Variants in CCM2 observed in about 807,000 individuals in gnomAD.
CCM2 encodes cerebral cavernous malformations 2 protein.
A neutral mutation model predicts 44.9 loss-of-function variants in CCM2; 25 were observed. The observed-to-expected ratio is 0.56, with a 90% CI of 0.41 to 0.78. CCM2 has a LOEUF of 0.78. Among genes scored for constraint, CCM2 ranks in the 30% least tolerant of loss-of-function variants. The pLI is 0.00. For synonymous variants in CCM2, 219 were observed against 241.1 expected (o/e 0.91, Z 0.85); for missense variants, 481 against 580.6 (o/e 0.83, Z 1.76).
chr7:45,008,356 CT>C (rs59435094), intron 1 of CCM2, among the ~76,000 whole-genome samples: 2,837 of 113,624 alleles, frequency 0.025, 19 homozygotes, highest in African/African-American at 0.069. Context: ...GGTACATGTT[CT>C]TTTTTTTTTT....
Position 45,063,968 on chromosome 7 carries a change from G to A in CCM2, c.255G>A (p.Arg85=), listed in dbSNP as rs746591986. The A allele has an allele frequency of 1.9e-6, 3 of 1,613,150 alleles. No homozygotes were observed. Among genetic ancestry groups the A allele is most frequent in the Non-Finnish European group, 2.5e-6 (3 of 1,179,252 alleles). Residue 85 remains arginine, a synonymous_variant, in exon 3 of 10, where the codon AGG becomes AGA. Coordinates refer to ENST00000258781, the MANE Select transcript of CCM2 (RefSeq NM_031443.4). The part of the protein sequence containing the change: ...SIPGYLNPSS[R]TEILHFIDNA... The stretch of plus-strand genomic sequence containing the variant: ...CAGGATACCTGAATCCCTCCAGTAG[G>A]ACTGAAATCCTGCATTTCATAGACA...
At position 45,064,610 on chromosome 7, in the gene CCM2, C is replaced by G; in HGVS notation, c.436C>G (p.Arg146Gly). The G allele has an allele frequency of 1.2e-6, 2 of 1,613,966 alleles. No individual in the cohort carries two copies. The highest frequency in any genetic ancestry group is 1.7e-6 in the Non-Finnish European group (2 of 1,180,030). The change falls in exon 4 of 10, where the codon CGG becomes GGG. Residue 146 changes from arginine to glycine, a missense_variant. By Grantham distance (125) the Arg-to-Gly change is moderately radical. Transcript: ENST00000258781. Reference sequence around the variant, plus strand: ...TGACATCGCCGCCGTCTCCTATGTTCGGGATGACGCTGCACACCTGGTGGT... The same window carrying G: ...TGACATCGCCGCCGTCTCCTATGTTGGGGATGACGCTGCACACCTGGTGGT... ...IHDIAAVSYVRDDAAHLVVLK... is the reference protein window; with the variant it reads ...IHDIAAVSYVGDDAAHLVVLK...
At chr7:45,037,502 C>T (rs1395639040) in intron 1 of CCM2, among the ~76,000 whole-genome samples, 3 of 146,230 alleles carry the variant, frequency 2.1e-5, no homozygotes, top group Non-Finnish European at 1.5e-5. Flanking sequence ...ACTGCAATCT[C>T]CGCCTCCTGG....
chr7:45,022,859 G>C (rs1796535270), intron 1 of CCM2, among the ~76,000 whole-genome samples: 2 of 151,920 alleles, frequency 1.3e-5, no homozygotes, highest in South Asian at 4.1e-4. Flanking sequence ...TCCTACCTCA[G>C]CCTCTCGAGT....
upstream of CCM2, chr7:44,999,935 G>A (rs1583818070): frequency 6.4e-6 from 2 of 314,170 alleles, no homozygotes; most frequent in Non-Finnish European, 1.3e-5. Flanking sequence ...GGGGCGGGGT[G>A]GGGGTGGTGC....
At chr7:45,068,131 CAT>C in intron 4 of CCM2, 1 of 432,244 alleles carries the variant, frequency 2.3e-6, no homozygotes, top group South Asian at 2.1e-5. Flanking sequence ...CCCCAGAACA[CAT>C]GGAAACCTCC....
At position 45,076,427 on chromosome 7, in the gene CCM2, A is replaced by T. The variant is rs529989029; in HGVS notation, c.*370A>T. On this transcript the variant is annotated 3_prime_UTR_variant, in exon 10 of 10. Coordinates refer to ENST00000258781, the MANE Select transcript of CCM2 (RefSeq NM_031443.4). The stretch of plus-strand genomic sequence containing the variant: ...TGTAACTCTCAGAGACCTTAAAAAG[A>T]AGTTTACTGCAATGTGAATAATTTA... 7.6e-6 allele frequency: 3 copies of T among 395,772 alleles called. No individual in the cohort carries two copies. The highest frequency in any genetic ancestry group is 1.5e-5 in the Non-Finnish European group (3 of 205,116). 24.5% of individuals were successfully genotyped at this position (395,772 alleles called of 1,614,324 possible). A position where few individuals can be genotyped will look rare whatever the true frequency, so the allele number is the denominator to read the frequency against.
intron 2 of CCM2, among the ~76,000 whole-genome samples, chr7:45,044,795 T>C (rs566751668): frequency 6.6e-6 from 1 of 152,298 alleles, no homozygotes; most frequent in South Asian, 2.1e-4. Context: ...CCATAATACT[T>C]TGTGATTGTT....
Position 45,075,918 on chromosome 7 carries a change from C to T in CCM2, c.1196C>T (p.Thr399Ile), listed in dbSNP as rs766730001. 3 of 1,613,132 alleles carry T rather than the reference C, an allele frequency of 1.9e-6. No individual in the cohort carries two copies. The highest frequency in any genetic ancestry group is 2.7e-5 in the African/African-American group (2 of 74,924). Reference protein sequence around the residue: ...RRALSTTSSSTTNGNRATGSS... With the variant: ...RRALSTTSSSITNGNRATGSS... ...GCCCTGAGCACCACATCCAGTTCCA[C>T]CACCAATGGGAACAGGGCCACGGGC... is the stretch of plus-strand genomic sequence containing the variant. The change falls in exon 10 of 10, where the codon ACC becomes ATC. Residue 399 changes from threonine to isoleucine, a missense_variant. Physicochemically the swap from Thr to Ile is moderately conservative, Grantham distance 89. Transcript: ENST00000258781.
At chr7:45,073,412 A>T (rs141325870) in intron 7 of CCM2, 48 bp from the exon 8 acceptor site, 4 of 1,310,686 alleles carry the variant, frequency 3.1e-6, no homozygotes, top group Non-Finnish European at 4.4e-6. Context: ...CGTGTGTGGG[A>T]TGGAGGGTCG....
At chr7:45,018,429 T>C (rs1405917477) in intron 1 of CCM2, among the ~76,000 whole-genome samples, 1 of 151,876 alleles carries the variant, frequency 6.6e-6, no homozygotes, top group Admixed American at 6.6e-5. Context: ...GTGATCTTGC[T>C]CACTGCAACC....
chr7:45,019,143 A>G (rs1183300402), intron 1 of CCM2, among the ~76,000 whole-genome samples: 1 of 138,760 alleles, frequency 7.2e-6, no homozygotes, highest in African/African-American at 2.8e-5. Flanking sequence ...GGCTCACTGC[A>G]ACCTTGCAAC....
At chr7:45,058,818 C>T (rs1236017262) in intron 2 of CCM2, among the ~76,000 whole-genome samples, 1 of 151,618 alleles carries the variant, frequency 6.6e-6, no homozygotes, top group Non-Finnish European at 1.5e-5. Context: ...GTTCTGTCAC[C>T]TAGGCTGGAA....
rs763227672 is a variant in CCM2 at position 45,075,976 on chromosome 7, G to A, written c.1254G>A (p.Gly418=). Residue 418 remains glycine (G), a synonymous_variant, in exon 10 of 10, where the codon GGG becomes GGA. Coordinates refer to ENST00000258781, the MANE Select transcript of CCM2 (RefSeq NM_031443.4). ...SSDDRSAPSE[G]DEWDRMISDI... The stretch of plus-strand genomic sequence containing the variant: ...ATGACCGGTCGGCACCCTCAGAGGG[G>A]GATGAGTGGGACCGCATGATCTCGG... The A allele has an allele frequency of 1.9e-5, 30 of 1,613,150 alleles. No homozygotes were observed. The highest frequency in any genetic ancestry group is 2.5e-5 in the Non-Finnish European group (30 of 1,180,030).
chr7:45,068,253 G>C lies in CCM2; in HGVS notation c.473-190G>C, dbSNP rs145245758. 3 of 677,334 alleles carry C rather than the reference G, an allele frequency of 4.4e-6. No homozygotes were observed. The Admixed American group carries it at 6.6e-5, about 15-fold the overall frequency. 42.0% of individuals were successfully genotyped at this position (677,334 alleles called of 1,614,324 possible). Reference sequence around the variant, plus strand: ...CTGGTGCCCTTGGAGCTCAGGGGTCGCGTGTTCCCACCCTTATTTAGAGAA... The same window carrying C: ...CTGGTGCCCTTGGAGCTCAGGGGTCCCGTGTTCCCACCCTTATTTAGAGAA... On this transcript the variant is annotated intron_variant, in intron 4 of 9. Transcript: ENST00000258781.
intron 1 of CCM2, among the ~76,000 whole-genome samples, chr7:45,028,833 C>T (rs1035529423): frequency 3.3e-5 from 5 of 151,522 alleles, no homozygotes; most frequent in Admixed American, 2.6e-4. Flanking sequence ...GCAGGGAGTG[C>T]TGGAAGTTTG....
chr7:45,030,249 G>A (rs1796896531), intron 1 of CCM2, among the ~76,000 whole-genome samples: 2 of 152,294 alleles, frequency 1.3e-5, no homozygotes, highest in Middle Eastern at 3.4e-3. Context: ...AAGGTGACAA[G>A]ATCATTTAGT....
chr7:45,044,036 G>T (rs1797637811), intron 2 of CCM2, among the ~76,000 whole-genome samples: 1 of 152,164 alleles, frequency 6.6e-6, no homozygotes, highest in African/African-American at 2.4e-5. Context: ...TAGTTGTTTA[G>T]TTTGTGATCT....
chr7:45,048,154 T>C (rs1398977400), intron 2 of CCM2, among the ~76,000 whole-genome samples: 3 of 152,252 alleles, frequency 2.0e-5, no homozygotes, highest in Admixed American at 2.0e-4. Flanking sequence ...AAGACTTCAG[T>C]GTGGCTGCCT....
Sources: allele counts gnomAD v4.1 joint callset (sites outside exome capture counted in the v4.1 genomes callset), GRCh38; gene constraint gnomAD v4.1.1; transcripts MANE v1.5; gene names NCBI Gene and HGNC (gene_info 2026-07-23, HGNC 2026-07-21).